Variants in IFNGR1 observed in about 807,000 individuals in gnomAD.
IFNGR1 encodes AVP, type 2.
In IFNGR1, 23 loss-of-function variants were observed where a neutral mutation model predicts 35.4. The observed-to-expected ratio is 0.65, with a 90% CI of 0.47 to 0.92. The LOEUF is 0.92. Among genes scored for constraint, IFNGR1 ranks in the 40% least tolerant of loss-of-function variants. IFNGR1 has a pLI of 0.00. For missense variants in IFNGR1, 533 were observed against 583.4 expected (o/e 0.91, Z 0.89); for synonymous variants, 199 against 209.5 (o/e 0.95, Z 0.43).
At chr6:137,202,238 G>T (rs2114467491) in intron 5 of IFNGR1, among the ~76,000 whole-genome samples, 1 of 152,378 alleles carries the variant, frequency 6.6e-6, no homozygotes, top group Non-Finnish European at 1.5e-5. Context: ...AGGCATTGAG[G>T]CAAGCAGGCA....
At chr6:137,212,316 G>A (rs1480086760) in intron 1 of IFNGR1, among the ~76,000 whole-genome samples, 1 of 152,144 alleles carries the variant, frequency 6.6e-6, no homozygotes, top group East Asian at 1.9e-4. Context: ...GGAGTGCAAT[G>A]GCATGATCTC....
intron 1 of IFNGR1, chr6:137,218,601 C>G (rs905522998): frequency 2.6e-6 from 2 of 769,846 alleles, no homozygotes; most frequent in African/African-American, 4.4e-5. Context: ...CCCCCCCCCA[C>G]CCCCGCTAAG....
intron 6 of IFNGR1, among the ~76,000 whole-genome samples, chr6:137,199,469 TA>T (rs569882850): frequency 7.4e-4 from 78 of 105,288 alleles, no homozygotes; most frequent in Admixed American, 2.0e-3. Flanking sequence ...TTATATTATA[TA>T]AAATATATAA....
intron 4 of IFNGR1, among the ~76,000 whole-genome samples, 176 bp downstream of exon 4, chr6:137,204,156 G>A (rs1252073959): frequency 6.6e-6 from 1 of 152,172 alleles, no homozygotes. Flanking sequence ...CAGTGTTAGT[G>A]ACTAACTCTG....
Position 137,215,173 on chromosome 6 carries a change from G to A in IFNGR1, c.85+4070C>T, listed in dbSNP as rs1779660782. 7 of 1,465,510 alleles carry A rather than the reference G, an allele frequency of 4.8e-6. No homozygotes were observed. The South Asian group carries it at 5.2e-5, about 11-fold the overall frequency. 90.8% of individuals were successfully genotyped at this position (1,465,510 alleles called of 1,614,324 possible). A position where few individuals can be genotyped will look rare whatever the true frequency, so the allele number is the denominator to read the frequency against. On this transcript the variant is annotated intron_variant, in intron 1 of 6. Transcript: ENST00000367739. ...GAAAACAAAGGCTTAGAGAAGTTAC[G>A]TAACTTGACAATATGCAAAGTTTTG...
chr6:137,209,032 C>T (rs1313344382), intron 1 of IFNGR1, among the ~76,000 whole-genome samples: 3 of 152,218 alleles, frequency 2.0e-5, no homozygotes, highest in Non-Finnish European at 4.4e-5. Context: ...GACCTGGAGT[C>T]AAAGGAGATC....
At chr6:137,217,407 C>A (rs978396798) in intron 1 of IFNGR1, among the ~76,000 whole-genome samples, 1 of 152,216 alleles carries the variant, frequency 6.6e-6, no homozygotes, top group Admixed American at 6.5e-5. Flanking sequence ...ACTTCAGGCA[C>A]GCCATTCCGC....
intron 1 of IFNGR1, among the ~76,000 whole-genome samples, chr6:137,211,614 G>A (rs9376268): frequency 0.2 from 30,484 of 152,074 alleles, 3,472 homozygotes; most frequent in East Asian, 0.4. Context: ...TTCCTTGTAG[G>A]TGATCCCTAA....
chr6:137,202,294 T>A (rs1275907974), intron 5 of IFNGR1, among the ~76,000 whole-genome samples: 1 of 152,264 alleles, frequency 6.6e-6, no homozygotes, highest in Non-Finnish European at 1.5e-5. Flanking sequence ...GTGGCCATAC[T>A]ATCAGTGCAG....
chr6:137,206,867 C>T, intron 2 of IFNGR1, 96 bp downstream of exon 2: 1 of 931,098 alleles, frequency 1.1e-6, no homozygotes, highest in Non-Finnish European at 1.7e-6. Flanking sequence ...GAATGTTTTG[C>T]CACGTGGGAA....
At chr6:137,205,010 G>T (rs1224380336) in intron 3 of IFNGR1, among the ~76,000 whole-genome samples, 1 of 152,086 alleles carries the variant, frequency 6.6e-6, no homozygotes, top group Non-Finnish European at 1.5e-5. Context: ...CATTTATCTA[G>T]TCTTCACATA....
chr6:137,203,742 A>AG, intron 4 of IFNGR1, 57 bp from the exon 5 acceptor site: 2 of 1,454,102 alleles, frequency 1.4e-6, no homozygotes, highest in Non-Finnish European at 1.9e-6. Flanking sequence ...TGAAAAAAAA[A>AG]AAAAATCACC....
intron 1 of IFNGR1, chr6:137,210,093 G>A (rs928225965): frequency 5.4e-6 from 2 of 369,256 alleles, no homozygotes; most frequent in African/African-American, 2.1e-5. Context: ...GCCCACACCT[G>A]TAATCCCAGC....
chr6:137,213,785 C>G (rs1271702887), intron 1 of IFNGR1, among the ~76,000 whole-genome samples: 2 of 152,224 alleles, frequency 1.3e-5, no homozygotes, highest in Non-Finnish European at 2.9e-5. Context: ...TGGCCATTTC[C>G]TCTGCATAGC....
At chr6:137,206,918 A>G (rs780704447) in intron 2 of IFNGR1, 45 bp downstream of exon 2, 2 of 1,481,180 alleles carry the variant, frequency 1.4e-6, no homozygotes, top group Non-Finnish European at 1.9e-6. Flanking sequence ...CCAAGGACCT[A>G]AACAAAAATG....
intron 1 of IFNGR1, chr6:137,218,960 T>C: frequency 3.7e-6 from 2 of 534,378 alleles, no homozygotes; most frequent in Non-Finnish European, 3.4e-6. Flanking sequence ...CTGCAGCGCA[T>C]AATCGTATTT....
intron 1 of IFNGR1, among the ~76,000 whole-genome samples, chr6:137,216,769 G>A (rs757242781): frequency 2.0e-5 from 3 of 152,168 alleles, no homozygotes; most frequent in Non-Finnish European, 4.4e-5. Flanking sequence ...TGTTAGAAAT[G>A]CACTTTAAAA....
chr6:137,198,263 T>A lies in IFNGR1; in HGVS notation c.1238A>T (p.Asp413Val), dbSNP rs761112956. The change falls in exon 7 of 7, where the codon GAT becomes GTT. Residue 413 changes from aspartate to valine, a missense_variant. Physicochemically the swap from Asp to Val is radical, Grantham distance 152. Transcript: ENST00000367739. ...SESDHSRNGF[D>V]TDSSCLESHS... ...TGATTCCAGACAGCTGGAATCAGTATCAAAACCATTTCTGGAGTGATCACT... is the reference window on the plus strand; with the variant it reads ...TGATTCCAGACAGCTGGAATCAGTAACAAAACCATTTCTGGAGTGATCACT... 19 of 1,614,154 alleles carry A rather than the reference T, an allele frequency of 1.2e-5. No homozygotes were observed. The highest frequency in any genetic ancestry group is 1.6e-5 in the Non-Finnish European group (19 of 1,180,038).
At chr6:137,215,310 C>T (rs1332984053) in intron 1 of IFNGR1, 1 of 1,548,896 alleles carries the variant, frequency 6.5e-7, no homozygotes, top group East Asian at 2.5e-5. Flanking sequence ...TTTCTGGTGA[C>T]TTCAAAAGCA....
Sources: gnomAD v4.1 joint callset for allele counts (sites outside exome capture counted in the v4.1 genomes callset) on GRCh38, gnomAD v4.1.1 for gene constraint, MANE v1.5 for transcripts, NCBI Gene and HGNC (gene_info 2026-07-23, HGNC 2026-07-21) for gene names.